Variants in WWOX observed in about 807,000 individuals in gnomAD.
WWOX encodes the protein WW domain containing oxidoreductase.
WWOX carries 69 observed loss-of-function variants against 46.2 expected under a neutral mutation model. The observed-to-expected ratio is 1.49, with a 90% confidence interval of 1.23 to 1.82. The LOEUF is 1.82. WWOX is among the 40% of genes most tolerant of loss of function. The probability of loss-of-function intolerance (pLI) is 0.00; values close to 1 mark genes in which losing one functional copy is unlikely to be tolerated. For missense variants in WWOX, 919 were observed against 542.6 expected (o/e 1.69, Z -6.89); for synonymous variants, 359 against 202.6 (o/e 1.77, Z -6.56).
At chr16:79,128,546 T>C (rs958287763) in intron 8 of WWOX, among the ~76,000 whole-genome samples, 1 of 152,188 alleles carries the variant, frequency 6.6e-6, no homozygotes, top group African/African-American at 2.4e-5. Context: ...TACCATGTCT[T>C]GGACCCAGGT....
chr16:79,112,863 G>T (rs2049443550), intron 8 of WWOX, among the ~76,000 whole-genome samples: 3 of 152,184 alleles, frequency 2.0e-5, no homozygotes, highest in African/African-American at 4.8e-5. Flanking sequence ...AGTGAGCCAA[G>T]TGAGACCCAA....
chr16:78,386,034 G>A (rs909747097), intron 5 of WWOX, among the ~76,000 whole-genome samples: 2 of 152,192 alleles, frequency 1.3e-5, no homozygotes, highest in Admixed American at 1.3e-4. Flanking sequence ...TTCAAATCCC[G>A]ACCTCTCCAG....
chr16:78,462,295 C>G (rs2083971574), intron 8 of WWOX, among the ~76,000 whole-genome samples: 1 of 150,932 alleles, frequency 6.6e-6, no homozygotes, highest in African/African-American at 2.4e-5. Flanking sequence ...CTTTCAAAGT[C>G]TGTGATTGAT....
intron 8 of WWOX, among the ~76,000 whole-genome samples, chr16:78,724,479 A>T (rs1183707782): frequency 1.3e-5 from 2 of 152,176 alleles, no homozygotes; most frequent in African/African-American, 2.4e-5. Flanking sequence ...CATTATCATT[A>T]TAATAAATGT....
intron 8 of WWOX, among the ~76,000 whole-genome samples, chr16:78,912,392 G>A (rs2045134832): frequency 6.6e-6 from 1 of 151,858 alleles, no homozygotes; most frequent in African/African-American, 2.4e-5. Context: ...CAAATCTGAG[G>A]GTCAGAGAAC....
intron 8 of WWOX, among the ~76,000 whole-genome samples, chr16:79,201,832 G>C (rs1158671523): frequency 6.6e-6 from 1 of 151,988 alleles, no homozygotes; most frequent in African/African-American, 2.4e-5. Flanking sequence ...GTCAGAGGAA[G>C]GCAGCCTGTT....
chr16:78,480,248 G>A (rs927157381), intron 8 of WWOX, among the ~76,000 whole-genome samples: 1 of 152,180 alleles, frequency 6.6e-6, no homozygotes, highest in Non-Finnish European at 1.5e-5. Flanking sequence ...GGGTAGCACC[G>A]ATATAGAACA....
chr16:79,149,885 G>C (rs1024135441), intron 8 of WWOX, among the ~76,000 whole-genome samples: 2 of 152,174 alleles, frequency 1.3e-5, no homozygotes, highest in African/African-American at 2.4e-5. Context: ...ATTCAGATAA[G>C]AGGGTTCAGA....
chr16:79,046,157 C>T (rs1402811099), intron 8 of WWOX, among the ~76,000 whole-genome samples: 1 of 152,130 alleles, frequency 6.6e-6, no homozygotes, highest in Non-Finnish European at 1.5e-5. Flanking sequence ...GGACTGTGCT[C>T]AGCACATGTT....
chr16:78,709,432 G>A (rs978505546), intron 8 of WWOX, among the ~76,000 whole-genome samples: 2 of 151,498 alleles, frequency 1.3e-5, no homozygotes, highest in Admixed American at 6.6e-5. Flanking sequence ...GCAAGTAATC[G>A]GGCTCTGTCA....
At chr16:78,804,010 A>G (rs889719655) in intron 8 of WWOX, among the ~76,000 whole-genome samples, 1 of 152,132 alleles carries the variant, frequency 6.6e-6, no homozygotes, top group African/African-American at 2.4e-5. Context: ...ATAGAAAGAT[A>G]GAAACAGCCC....
chr16:78,104,604 CTTAA>C (rs1217575946), intron 1 of WWOX, among the ~76,000 whole-genome samples: 1 of 152,104 alleles, frequency 6.6e-6, no homozygotes, highest in African/African-American at 2.4e-5. Context: ...TTAGATTACT[CTTAA>C]TTATCTTTTT....
At chr16:78,792,339 C>T (rs995107401) in intron 8 of WWOX, among the ~76,000 whole-genome samples, 1 of 152,126 alleles carries the variant, frequency 6.6e-6, no homozygotes, top group Non-Finnish European at 1.5e-5. Flanking sequence ...CTACTTCCCA[C>T]ATGTATCCTT....
intron 8 of WWOX, among the ~76,000 whole-genome samples, chr16:78,984,160 G>A (rs1301347689): frequency 2.0e-5 from 3 of 152,116 alleles, no homozygotes; most frequent in Non-Finnish European, 2.9e-5. Context: ...TTACAGGCAT[G>A]AGCCATCGCG....
intron 8 of WWOX, among the ~76,000 whole-genome samples, chr16:79,007,273 G>A (rs956481376): frequency 1.3e-5 from 2 of 152,128 alleles, no homozygotes; most frequent in Non-Finnish European, 2.9e-5. Flanking sequence ...ACAAAGGGAG[G>A]GACTTACATA....
intron 5 of WWOX, among the ~76,000 whole-genome samples, chr16:78,328,006 G>C (rs139547432): frequency 6.7e-6 from 1 of 149,994 alleles, no homozygotes; most frequent in East Asian, 2.0e-4. Context: ...CTACTTAGTA[G>C]CTTGGATTAT....
chr16:78,194,935 C>T (rs536730373), intron 5 of WWOX, among the ~76,000 whole-genome samples: 3 of 152,336 alleles, frequency 2.0e-5, no homozygotes, highest in South Asian at 4.1e-4. Context: ...TTCTGCTATA[C>T]AGCAGTGCTG....
At chr16:78,201,674 ATTATTTATTTAT>A (rs149809338) in intron 5 of WWOX, among the ~76,000 whole-genome samples, 22,969 of 146,336 alleles carry the variant, frequency 0.16, 2,382 homozygotes, top group African/African-American at 0.29. Flanking sequence ...CATTCCTTGG[ATTATTTATTTAT>A]TTATTTATTT....
intron 8 of WWOX, among the ~76,000 whole-genome samples, chr16:78,612,350 G>T (rs1307579271): frequency 6.6e-6 from 1 of 152,218 alleles, no homozygotes; most frequent in African/African-American, 2.4e-5. Flanking sequence ...TACATTTGAT[G>T]GGTCATCCTA....
Sources: allele counts gnomAD v4.1 joint callset (sites outside exome capture counted in the v4.1 genomes callset), GRCh38; gene constraint gnomAD v4.1.1; transcripts MANE v1.5; gene names NCBI Gene and HGNC (gene_info 2026-07-23, HGNC 2026-07-21).